The following CRACDL variants were observed in gnomAD, a reference collection of about 807,000 sequenced individuals.
The protein encoded by CRACDL is CRACD-like protein.
CRACDL carries 26 observed loss-of-function variants against 70.6 expected under a neutral mutation model. The ratio of observed to expected loss-of-function variants is 0.37; its 90% CI spans 0.27 to 0.51. CRACDL has a LOEUF of 0.51. Among genes scored for constraint, CRACDL ranks in the 20% least tolerant of loss-of-function variants. CRACDL has a pLI of 0.94. For synonymous variants in CRACDL, 618 were observed against 615.2 expected (o/e 1.00, Z -0.07); for missense variants, 1,283 against 1,376.9 (o/e 0.93, Z 1.08).
At chr2:98,879,214 G>A (rs568752922) in intron 1 of CRACDL, among the ~76,000 whole-genome samples, 150 of 152,302 alleles carry the variant, frequency 9.8e-4, no homozygotes, top group Admixed American at 3.0e-3. Context: ...TTTTATGAAT[G>A]AGTGAGCCTC....
chr2:98,821,033 T>A (rs1443572015), intron 7 of CRACDL, among the ~76,000 whole-genome samples: 2 of 152,226 alleles, frequency 1.3e-5, no homozygotes, highest in Admixed American at 1.3e-4. Flanking sequence ...GTTTCTTAGG[T>A]CAAAAGTGGG....
Position 98,835,101 on chromosome 2 carries a change from TATC to T in CRACDL, c.240-2107_240-2105del, listed in dbSNP as rs200477415. Among the ~76,000 whole-genome samples the T allele has an allele frequency of 8.0e-3, 1,226 of 152,306 alleles. 14 individuals carry two copies. The highest frequency in any genetic ancestry group is 0.036 in the South Asian group (174 of 4,826). On this transcript the variant is annotated intron_variant, in intron 3 of 9. Coordinates refer to ENST00000397899, the MANE Select transcript of CRACDL (RefSeq NM_207362.3). ...TAAAGAAAATAAGTCATTTTGTTAA[TATC>T]ATAAGGAGCCCTGGTTTCAAGTGTA...
At chr2:98,897,510 C>G (rs1438762176) in intron 1 of CRACDL, 1 of 640,736 alleles carries the variant, frequency 1.6e-6, no homozygotes, top group Admixed American at 3.2e-5. Flanking sequence ...ACACCAAAAC[C>G]TTGAAGGTTT....
At position 98,823,562 on chromosome 2, in the gene CRACDL, A is replaced by T; in HGVS notation, c.736-25T>A. ...GCTGAGAGAAATAAAGATAAAAAGCATCGTCGCTATAGCCAATTCCAGGAA... is the reference window on the plus strand; with the variant it reads ...GCTGAGAGAAATAAAGATAAAAAGCTTCGTCGCTATAGCCAATTCCAGGAA... On this transcript the variant is annotated intron_variant, in intron 6 of 9. Transcript: ENST00000397899. The surrounding 1 kb of genome is among the most constrained non-coding windows in gnomAD (Gnocchi z 4.0). 1 of 1,542,666 alleles carries T rather than the reference A, an allele frequency of 6.5e-7. No individual in the cohort carries two copies. Among genetic ancestry groups the T allele is most frequent in the Non-Finnish European group, 8.7e-7 (1 of 1,150,830 alleles).
At chr2:98,919,965 G>A (rs1708761313) in intron 1 of CRACDL, among the ~76,000 whole-genome samples, 1 of 152,088 alleles carries the variant, frequency 6.6e-6, no homozygotes, top group African/African-American at 2.4e-5. Context: ...TGTTGCTCAG[G>A]TTCGTCTTGA....
intron 1 of CRACDL, among the ~76,000 whole-genome samples, chr2:98,925,728 A>G (rs568733754): frequency 6.6e-6 from 1 of 152,300 alleles, no homozygotes; most frequent in African/African-American, 2.4e-5. Context: ...CTTCTTACTT[A>G]TAAAATACAC....
intron 5 of CRACDL, among the ~76,000 whole-genome samples, chr2:98,831,281 A>G (rs1268464007): frequency 6.6e-6 from 1 of 152,156 alleles, no homozygotes; most frequent in Non-Finnish European, 1.5e-5. Context: ...GCCACACCAC[A>G]GTCCTTTTGC....
chr2:98,799,425 C>T (rs1703979198), intron 7 of CRACDL, among the ~76,000 whole-genome samples: 2 of 151,978 alleles, frequency 1.3e-5, no homozygotes, highest in South Asian at 2.1e-4. Context: ...CCAGGACCTC[C>T]CCTGGCCCTG....
Position 98,884,054 on chromosome 2 carries a change from G to A in CRACDL, c.-10-37244C>T, listed in dbSNP as rs2104621447. ...AAGCGGCGTGTGTTGGGGGGATGGG[G>A]CAGGAGCGGGGCAGCAGACCCACAG... On this transcript the variant is annotated intron_variant, in intron 1 of 9. Coordinates refer to ENST00000397899, the MANE Select transcript of CRACDL (RefSeq NM_207362.3). Among the ~76,000 whole-genome samples the A allele has an allele frequency of 3.3e-5, 5 of 152,284 alleles. No individual in the cohort carries two copies. The South Asian group carries it at 1.0e-3, about 32-fold the overall frequency.
intron 7 of CRACDL, among the ~76,000 whole-genome samples, chr2:98,810,339 A>G (rs1423155111): frequency 6.6e-6 from 1 of 152,204 alleles, no homozygotes; most frequent in Non-Finnish European, 1.5e-5. Flanking sequence ...AGAATCTAAA[A>G]AGCCTTAAAT....
chr2:98,860,606 G>A (rs1225500037), intron 1 of CRACDL, among the ~76,000 whole-genome samples: 1 of 152,148 alleles, frequency 6.6e-6, no homozygotes, highest in Non-Finnish European at 1.5e-5. Context: ...CCTCACACTG[G>A]TTACATAAAA....
chr2:98,835,330 C>T (rs1218722486), intron 3 of CRACDL, among the ~76,000 whole-genome samples: 4 of 152,144 alleles, frequency 2.6e-5, no homozygotes, highest in African/African-American at 9.7e-5. Flanking sequence ...TCTTTAAAAG[C>T]CATTTCACAC....
At chr2:98,910,444 C>A (rs1203963013) in intron 1 of CRACDL, among the ~76,000 whole-genome samples, 1 of 151,932 alleles carries the variant, frequency 6.6e-6, no homozygotes, top group East Asian at 1.9e-4. Flanking sequence ...TCACTTGAAC[C>A]TGGGAGGTGG....
At chr2:98,850,396 G>A (rs926291430) in intron 1 of CRACDL, among the ~76,000 whole-genome samples, 7 of 152,192 alleles carry the variant, frequency 4.6e-5, no homozygotes, top group African/African-American at 1.4e-4. Flanking sequence ...CTGAATATGC[G>A]TTCCCCAAGC....
At chr2:98,890,064 T>G (rs935275812) in intron 1 of CRACDL, among the ~76,000 whole-genome samples, 1 of 151,798 alleles carries the variant, frequency 6.6e-6, no homozygotes, top group Non-Finnish European at 1.5e-5. Flanking sequence ...AGAAGAAAAG[T>G]CTCAAATCAA....
chr2:98,867,938 GT>G (rs1203844304), intron 1 of CRACDL, among the ~76,000 whole-genome samples: 1 of 152,208 alleles, frequency 6.6e-6, no homozygotes, highest in Non-Finnish European at 1.5e-5. Context: ...CACAGCAGAT[GT>G]GGAGCTGAAT....
chr2:98,846,669 C>T, intron 2 of CRACDL, 62 bp downstream of exon 2: 1 of 1,393,932 alleles, frequency 7.2e-7, no homozygotes, highest in East Asian at 2.3e-5. Flanking sequence ...CTCTGTCAGT[C>T]CCTCTCCCTG....
At chr2:98,881,127 G>A (rs1238678633) in intron 1 of CRACDL, among the ~76,000 whole-genome samples, 1 of 152,182 alleles carries the variant, frequency 6.6e-6, no homozygotes, top group African/African-American at 2.4e-5. Flanking sequence ...GGAGGCTGTG[G>A]CTTTGGTTTC....
chr2:98,914,820 G>A (rs1184205212), intron 1 of CRACDL, among the ~76,000 whole-genome samples: 1 of 152,204 alleles, frequency 6.6e-6, no homozygotes, highest in African/African-American at 2.4e-5. Context: ...GGGAGTCCCT[G>A]GGCAGCCAGC....
Sources: gnomAD v4.1 joint callset for allele counts (sites outside exome capture counted in the v4.1 genomes callset) on GRCh38, gnomAD v4.1.1 for gene constraint, Gnocchi (gnomAD v3.1) non-coding constraint, MANE v1.5 for transcripts, NCBI Gene and HGNC (gene_info 2026-07-23, HGNC 2026-07-21) for gene names.